CUL2: variants seen among roughly 807,000 people sequenced by gnomAD.
CUL2 encodes the protein cullin-2.
Under a neutral mutation model 110.2 loss-of-function variants are expected in CUL2, and 22 were observed. The ratio of observed to expected loss-of-function variants is 0.20; its 90% CI spans 0.14 to 0.28. The LOEUF (loss-of-function observed/expected upper bound fraction) is 0.28, where lower values mean the gene tolerates loss of function less well. Among genes scored for constraint, CUL2 ranks in the 10% least tolerant of loss-of-function variants. The pLI is 1.00. For synonymous variants in CUL2, 279 were observed against 293.2 expected (o/e 0.95, Z 0.49); for missense variants, 631 against 905.5 (o/e 0.70, Z 3.89).
intron 16 of CUL2, among the ~76,000 whole-genome samples, chr10:35,026,505 A>G (rs1364380028): frequency 2.6e-5 from 4 of 152,236 alleles, no homozygotes; most frequent in Non-Finnish European, 1.5e-5. Context: ...CTCATAATTT[A>G]AAGTGCAAAG....
rs765631766 is a variant in CUL2 at position 35,028,799 on chromosome 10, T to C, written c.1617+11A>G. The C allele has an allele frequency of 6.3e-7, 1 of 1,575,964 alleles. No individual in the cohort carries two copies. The highest frequency in any genetic ancestry group is 8.7e-7 in the Non-Finnish European group (1 of 1,150,394). On this transcript the variant is annotated intron_variant, in intron 16 of 20. Transcript: ENST00000374749. ...TCCTTTAGTCTTCTAATATATTTCC[T>C]GCAAACTTACCATCTGTACACTTTT... is the stretch of plus-strand genomic sequence containing the variant.
intron 1 of CUL2, chr10:35,079,607 A>G (rs1160405699): frequency 6.5e-6 from 1 of 153,146 alleles, no homozygotes; most frequent in Non-Finnish European, 1.5e-5. Context: ...CAGCAAAACT[A>G]GTAAGAATTT....
At position 35,035,342 on chromosome 10, in the gene CUL2, T is replaced by C. The variant is rs572299046; in HGVS notation, c.878-46A>G. The C allele has an allele frequency of 3.7e-5, 59 of 1,602,304 alleles. 1 individual carries two copies. Among genetic ancestry groups the C allele is most frequent in the Admixed American group, 2.3e-4 (14 of 59,924 alleles). ...GAGGGTTAACTCCCAAATATTTTCA[T>C]TTATTAGGTAATATATGGATCCAAG... On this transcript the variant is annotated intron_variant, in intron 9 of 20. Coordinates refer to ENST00000374749, the MANE Select transcript of CUL2 (RefSeq NM_003591.4).
At chr10:35,077,720 G>A (rs1016082430) in intron 1 of CUL2, among the ~76,000 whole-genome samples, 1 of 151,448 alleles carries the variant, frequency 6.6e-6, no homozygotes, top group Non-Finnish European at 1.5e-5. Context: ...AGGAGGCTGA[G>A]GCAGGAGAAT....
chr10:35,018,763 CAA>C (rs35275515), intron 17 of CUL2, among the ~76,000 whole-genome samples: 4 of 117,416 alleles, frequency 3.4e-5, no homozygotes, highest in Admixed American at 2.0e-4. Context: ...AACTCCGTCT[CAA>C]AAAAAAAAAA....
intron 1 of CUL2, among the ~76,000 whole-genome samples, chr10:35,112,396 A>G (rs1048881359): frequency 6.6e-6 from 1 of 152,178 alleles, no homozygotes; most frequent in African/African-American, 2.4e-5. Flanking sequence ...CCTACAATTG[A>G]GCCAGCTTAC....
chr10:35,072,598 G>A (rs1043799937), intron 1 of CUL2, among the ~76,000 whole-genome samples: 1 of 152,042 alleles, frequency 6.6e-6, no homozygotes, highest in Admixed American at 6.6e-5. Context: ...TTCATCTCCT[G>A]ACCTCGTGAT....
At chr10:35,071,171 A>G in intron 2 of CUL2, 28 bp downstream of exon 2, 1 of 1,602,796 alleles carries the variant, frequency 6.2e-7, no homozygotes. Context: ...ATTTTAGAAC[A>G]TTGATCAAGC....
At chr10:35,063,111 CATA>C (rs761342178) in intron 2 of CUL2, 49 bp from the exon 3 acceptor site, 20 of 1,070,296 alleles carry the variant, frequency 1.9e-5, no homozygotes, top group Admixed American at 4.3e-5. Context: ...AATTTTAAAA[CATA>C]ATGAGATTTA....
intron 14 of CUL2, among the ~76,000 whole-genome samples, chr10:35,030,176 A>G (rs924328809): frequency 2.6e-5 from 4 of 152,194 alleles, no homozygotes; most frequent in African/African-American, 9.7e-5. Context: ...AGATAGTATC[A>G]AATGAAAGAT....
At chr10:35,120,788 C>T (rs767967058) in intron 1 of CUL2, among the ~76,000 whole-genome samples, 1 of 151,784 alleles carries the variant, frequency 6.6e-6, no homozygotes, top group Non-Finnish European at 1.5e-5. Flanking sequence ...CCCAGCTACT[C>T]GGGAGGCTGT....
At position 35,033,192 on chromosome 10, in the gene CUL2, G is replaced by T; in HGVS notation, c.1084C>A (p.Gln362Lys). The T allele has an allele frequency of 6.2e-7, 1 of 1,613,006 alleles. No homozygotes were observed. The highest frequency in any genetic ancestry group is 1.1e-5 in the South Asian group (1 of 91,038). The change falls in exon 11 of 21, where the codon CAG becomes AAG. Residue 362 changes from glutamine to lysine, a missense_variant. By Grantham distance (53) the Gln-to-Lys change is moderately conservative. This residue lies in a region of CUL2 where 338 missense variants were observed against 442.5 expected (regional missense o/e 0.76). Coordinates refer to ENST00000374749, the MANE Select transcript of CUL2 (RefSeq NM_003591.4). ...TTATCCAACGCACTCATAAAATGCTGATCACCATTCAAAACAGTGTTGATA... is the reference window on the plus strand; with the variant it reads ...TTATCCAACGCACTCATAAAATGCTTATCACCATTCAAAACAGTGTTGATA... ...QLINTVLNGD[Q>K]HFMSALDKAL...
At chr10:35,068,418 T>C (rs34658029) in intron 2 of CUL2, among the ~76,000 whole-genome samples, 20,598 of 151,886 alleles carry the variant, frequency 0.14, 1,591 homozygotes, top group South Asian at 0.2. Flanking sequence ...CAACGCACTA[T>C]GTCTAATAAA....
chr10:35,076,789 C>A (rs2086829843), intron 1 of CUL2, among the ~76,000 whole-genome samples: 1 of 152,112 alleles, frequency 6.6e-6, no homozygotes, highest in Admixed American at 6.6e-5. Flanking sequence ...GTGGCTCACG[C>A]CTGTAAGCCC....
chr10:35,085,460 G>A (rs1201183139), intron 1 of CUL2, among the ~76,000 whole-genome samples: 1 of 149,104 alleles, frequency 6.7e-6, no homozygotes, highest in Admixed American at 6.7e-5. Flanking sequence ...ATAACTGTTA[G>A]GGCCAGGCGC....
chr10:35,038,203 T>A (rs574169818), intron 9 of CUL2, among the ~76,000 whole-genome samples: 3 of 150,728 alleles, frequency 2.0e-5, no homozygotes, highest in Admixed American at 1.3e-4. Flanking sequence ...TTCCTGCCTA[T>A]AAAAGTAATG....
Position 35,060,954 on chromosome 10 carries a change from T to C in CUL2, c.237A>G (p.Ser79=). The change falls in exon 4 of 21, where the codon TCA becomes TCG. Residue 79 remains serine, a synonymous_variant. Transcript: ENST00000374749. ...VRHLHKRVLE[S]EEQVLVMYHR... ...GATACATAACAAGTACTTGTTCTTC[T>C]GACTCCAAAACTCTCTATATAAAGA... The C allele has an allele frequency of 6.2e-7, 1 of 1,613,462 alleles. No homozygotes were observed. Among genetic ancestry groups the C allele is most frequent in the Non-Finnish European group, 8.5e-7 (1 of 1,179,836 alleles).
Position 35,032,500 on chromosome 10 carries a change from T to TA in CUL2, c.1111-7dup, listed in dbSNP as rs752594283. The stretch of plus-strand genomic sequence containing the variant: ...TTTACAACTGACGTAAGGGCCTGAA[T>TA]AAAAAAACACGCCATAATTAACCAC... On this transcript the variant is annotated splice_region_variant and splice_polypyrimidine_tract_variant and intron_variant, in intron 11 of 20. Coordinates refer to ENST00000374749, the MANE Select transcript of CUL2 (RefSeq NM_003591.4). 6.3e-6 allele frequency: 10 copies of TA among 1,575,766 alleles called. No individual in the cohort carries two copies. In the East Asian group the frequency reaches 9.5e-5, roughly 15 times the overall value.
At chr10:35,105,210 G>A (rs2087437589) in intron 1 of CUL2, among the ~76,000 whole-genome samples, 1 of 150,644 alleles carries the variant, frequency 6.6e-6, no homozygotes, top group South Asian at 2.1e-4. Context: ...CGGATCACGA[G>A]GTCAGGAAAT....
Sources: allele counts gnomAD v4.1 joint callset (sites outside exome capture counted in the v4.1 genomes callset), GRCh38; gene constraint gnomAD v4.1.1; regional missense constraint gnomAD v4.1.1; transcripts MANE v1.5; gene names NCBI Gene and HGNC (gene_info 2026-07-23, HGNC 2026-07-21).